Variants in ATP10B observed in about 807,000 individuals in gnomAD.
ATP10B encodes ATPase phospholipid transporting 10B (putative).
Under a neutral mutation model 141.2 loss-of-function variants are expected in ATP10B, and 122 were observed. The ratio of observed to expected loss-of-function variants is 0.86; its 90% CI spans 0.75 to 1.00. ATP10B has a LOEUF of 1.00. Ranked by LOEUF, ATP10B falls within the 50% of genes least tolerant of loss-of-function variation. The probability of loss-of-function intolerance (pLI) is 0.00; values close to 1 mark genes in which losing one functional copy is unlikely to be tolerated. For synonymous variants in ATP10B, 685 were observed against 692.0 expected (o/e 0.99, Z 0.16); for missense variants, 1,876 against 1,825.3 (o/e 1.03, Z -0.51).
intron 3 of ATP10B, among the ~76,000 whole-genome samples, chr5:160,704,161 C>G (rs1764840994): frequency 6.6e-6 from 1 of 152,132 alleles, no homozygotes; most frequent in Non-Finnish European, 1.5e-5. Context: ...GGGCGATCCT[C>G]TCGCCTCAGC....
chr5:160,668,153 AC>A (rs1181837695), intron 7 of ATP10B, among the ~76,000 whole-genome samples: 1 of 147,232 alleles, frequency 6.8e-6, no homozygotes, highest in African/African-American at 2.5e-5. Context: ...AAACCCTTGA[AC>A]CCAGTAGGCA....
intron 1 of ATP10B, among the ~76,000 whole-genome samples, chr5:160,809,899 G>T (rs926622468): frequency 6.6e-6 from 1 of 152,136 alleles, no homozygotes; most frequent in African/African-American, 2.4e-5. Flanking sequence ...TGGATATCAG[G>T]CTTCTTGGCT....
the ATP10B span, among the ~76,000 whole-genome samples, chr5:160,877,431 C>T: frequency 7.0e-6 from 1 of 142,000 alleles, no homozygotes; most frequent in Non-Finnish European, 1.6e-5. Context: ...CAATATCATA[C>T]TGAATGGGCA....
At chr5:160,688,137 C>T (rs1211359130) in intron 4 of ATP10B, 43 bp from the exon 5 acceptor site, 3 of 1,562,732 alleles carry the variant, frequency 1.9e-6, no homozygotes, top group Non-Finnish European at 8.7e-7. Flanking sequence ...GAGAAACGTG[C>T]AGCATGTTGG....
At chr5:160,634,695 G>T in intron 11 of ATP10B, 89 bp from the exon 12 acceptor site, 1 of 1,400,986 alleles carries the variant, frequency 7.1e-7, no homozygotes, top group Non-Finnish European at 9.6e-7. Context: ...GCATTTCATA[G>T]AAAGTTGAGG....
chr5:160,816,493 A>T (rs1379814301), intron 1 of ATP10B, among the ~76,000 whole-genome samples: 4 of 152,272 alleles, frequency 2.6e-5, no homozygotes, highest in Non-Finnish European at 5.9e-5. Context: ...CAGGATCTGA[A>T]ATTGAGGCAA....
intron 2 of ATP10B, among the ~76,000 whole-genome samples, chr5:160,781,215 A>G (rs1268435258): frequency 6.6e-6 from 1 of 152,192 alleles, no homozygotes; most frequent in African/African-American, 2.4e-5. Flanking sequence ...GAAAATGTAT[A>G]TTTGGACTCA....
At chr5:160,653,836 AT>A (rs1237663942) in intron 7 of ATP10B, among the ~76,000 whole-genome samples, 6 of 128,290 alleles carry the variant, frequency 4.7e-5, no homozygotes, top group Non-Finnish European at 9.3e-5. Flanking sequence ...ATATACATAT[AT>A]ATTATATATA....
At chr5:160,721,175 G>T (rs1765978303) in intron 2 of ATP10B, among the ~76,000 whole-genome samples, 1 of 152,110 alleles carries the variant, frequency 6.6e-6, no homozygotes, top group South Asian at 2.1e-4. Flanking sequence ...AACACCTCGG[G>T]GTTCATGGAC....
intron 1 of ATP10B, among the ~76,000 whole-genome samples, chr5:160,850,658 C>T (rs191814291): frequency 6.6e-6 from 1 of 152,242 alleles, no homozygotes; most frequent in East Asian, 1.9e-4. Context: ...AGATAAGGCT[C>T]ATCGTTTAGC....
intron 1 of ATP10B, among the ~76,000 whole-genome samples, chr5:160,818,343 A>G (rs1320042343): frequency 6.6e-6 from 1 of 152,254 alleles, no homozygotes; most frequent in African/African-American, 2.4e-5. Context: ...GGCAAAGGAT[A>G]TGAACAGACA....
At chr5:160,764,236 T>C (rs1246735396) in intron 2 of ATP10B, among the ~76,000 whole-genome samples, 2 of 146,042 alleles carry the variant, frequency 1.4e-5, no homozygotes, top group Non-Finnish European at 3.1e-5. Flanking sequence ...ATCCCAAAAC[T>C]AGGAAAGGAC....
chr5:160,815,796 AATT>A (rs1424456839), intron 1 of ATP10B, among the ~76,000 whole-genome samples: 2 of 152,218 alleles, frequency 1.3e-5, no homozygotes, highest in Middle Eastern at 3.2e-3. Flanking sequence ...AAAGAACAGA[AATT>A]ATAACAAACT....
At chr5:160,898,333 A>G in the ATP10B span, among the ~76,000 whole-genome samples, 1 of 152,258 alleles carries the variant, frequency 6.6e-6, no homozygotes, top group Non-Finnish European at 1.5e-5. Context: ...ATGTGGGCAA[A>G]GGATATGAAC....
the ATP10B span, among the ~76,000 whole-genome samples, chr5:160,871,066 G>A: frequency 3.3e-5 from 5 of 150,312 alleles, no homozygotes; most frequent in Non-Finnish European, 7.4e-5. Flanking sequence ...CTTATAAGAA[G>A]TGTTGTTATT....
chr5:160,598,803 C>A lies in ATP10B; in HGVS notation c.3531G>T (p.Leu1177Phe), dbSNP rs781054316. The A allele has an allele frequency of 1.9e-6, 3 of 1,614,136 alleles. No homozygotes were observed. Among genetic ancestry groups the A allele is most frequent in the East Asian group, 2.2e-5 (1 of 44,882 alleles). The change falls in exon 22 of 26, where the codon TTG (leucine) becomes TTT (phenylalanine). Residue 1177 changes from leucine (L) to phenylalanine (F), a missense_variant. Transcript: ENST00000327245. ...KDISAETLLA[L>F]PELYKSGQNS... ...TCTGGCCACTCTTGTATAGCTCAGG[C>A]AATGCCAGGAGTGTTTCTGCAGAGA...
At chr5:160,584,639 T>C (rs1193742949) in intron 24 of ATP10B, among the ~76,000 whole-genome samples, 1 of 152,262 alleles carries the variant, frequency 6.6e-6, no homozygotes, top group Non-Finnish European at 1.5e-5. Flanking sequence ...TGTGTATTTT[T>C]ATTCTTCTAT....
intron 2 of ATP10B, among the ~76,000 whole-genome samples, chr5:160,784,925 C>T (rs187822220): frequency 5.4e-4 from 82 of 152,240 alleles, no homozygotes; most frequent in African/African-American, 1.8e-3. Flanking sequence ...TTTCTCCACA[C>T]AACCATGTAG....
rs1038600809 is a variant in ATP10B, at chr5:160,602,764, C to T, written c.3238-62G>A. 17 of 1,606,388 alleles carry T rather than the reference C, an allele frequency of 1.1e-5. No homozygotes were observed. The African/African-American group carries it at 2.0e-4, about 19-fold the overall frequency. On this transcript the variant is annotated intron_variant, in intron 20 of 25. Coordinates refer to ENST00000327245, the MANE Select transcript of ATP10B (RefSeq NM_025153.3). ...TGGCTGCCAGTGCCCCAGAGGGACT[C>T]TCTCAAGGGCGTTGCTTTGGTCTAG...
Sources: gnomAD v4.1 joint callset for allele counts (sites outside exome capture counted in the v4.1 genomes callset) on GRCh38, gnomAD v4.1.1 for gene constraint, MANE v1.5 for transcripts, NCBI Gene and HGNC (gene_info 2026-07-23, HGNC 2026-07-21) for gene names.